PGS1: variants seen among roughly 807,000 people sequenced by gnomAD.
PGS1 encodes CDP-diacylglycerol--glycerol-3-phosphate 3-phosphatidyltransferase, mitochondrial.
PGS1 carries 44 observed loss-of-function variants against 58.3 expected under a neutral mutation model. The observed-to-expected ratio is 0.75, with a 90% CI of 0.59 to 0.97. The LOEUF is 0.97. Among genes scored for constraint, PGS1 ranks in the 50% least tolerant of loss-of-function variants. PGS1 has a pLI of 0.00. For missense variants in PGS1, 684 were observed against 731.1 expected, an observed-to-expected ratio of 0.94 and a Z score of 0.74; for synonymous variants, 330 against 311.0, an observed-to-expected ratio of 1.06 and a Z score of -0.64.
rs1160963067 is a variant in PGS1, at chr17:78,424,320, T to G, written c.*270T>G. ...TGGAAGCAGAGGCCTTCGTAGGTGA[T>G]GGCCTGCATGTTGTAACTACCCCGT... On this transcript the variant is annotated 3_prime_UTR_variant, in exon 10 of 10. Transcript: ENST00000262764. 3.9e-6 allele frequency: 3 copies of G among 778,212 alleles called. No homozygotes were observed. Among genetic ancestry groups the G allele is most frequent in the Middle Eastern group, 3.8e-4 (1 of 2,612 alleles). The allele number at this position is 778,212 out of a possible 1,614,324, so 48.2% of individuals were successfully genotyped here. A position where few individuals can be genotyped will look rare whatever the true frequency, so the allele number is the denominator to read the frequency against.
chr17:78,397,652 C>G (rs551247482), intron 3 of PGS1, among the ~76,000 whole-genome samples: 67 of 150,936 alleles, frequency 4.4e-4, no homozygotes, highest in Admixed American at 9.3e-4. Flanking sequence ...TCAGGCTGGT[C>G]TTAAACTCCT....
intron 1 of PGS1, among the ~76,000 whole-genome samples, chr17:78,389,318 T>C (rs1466003164): frequency 6.6e-6 from 1 of 151,738 alleles, no homozygotes; most frequent in African/African-American, 2.4e-5. Context: ...CCTGAGTAGC[T>C]GGGACTACAG....
chr17:78,415,683 G>C (rs1243029272), intron 8 of PGS1, among the ~76,000 whole-genome samples: 1 of 152,178 alleles, frequency 6.6e-6, no homozygotes, highest in Non-Finnish European at 1.5e-5. Flanking sequence ...GATAATAGTA[G>C]CCCATTTTCT....
intron 8 of PGS1, among the ~76,000 whole-genome samples, chr17:78,417,026 T>A (rs763315171): frequency 1.3e-5 from 2 of 152,126 alleles, no homozygotes; most frequent in Non-Finnish European, 2.9e-5. Context: ...TGGGGAGATA[T>A]TTTTATCAGA....
chr17:78,414,866 C>T lies in PGS1; in HGVS notation c.1403-13C>T, dbSNP rs1344509962. On this transcript the variant is annotated splice_polypyrimidine_tract_variant and intron_variant, in intron 7 of 9. Transcript: ENST00000262764. Reference sequence around the variant, plus strand: ...TGCTCATTTCCTGTCTGCACGTTTCCTTTTCCCCGCAGGCCTCTGGCTGTA... The same window carrying T: ...TGCTCATTTCCTGTCTGCACGTTTCTTTTTCCCCGCAGGCCTCTGGCTGTA... 2 of 1,613,492 alleles carry T rather than the reference C, an allele frequency of 1.2e-6. No individual in the cohort carries two copies. Among genetic ancestry groups the T allele is most frequent in the Middle Eastern group, 1.6e-4 (1 of 6,082 alleles).
intron 9 of PGS1, chr17:78,423,824 A>G: frequency 6.6e-7 from 1 of 1,520,320 alleles, no homozygotes; most frequent in Non-Finnish European, 9.0e-7. Flanking sequence ...CAGTTCCTGT[A>G]AAGAATAAGT....
chr17:78,386,482 T>TG (rs1374498045), intron 1 of PGS1, among the ~76,000 whole-genome samples: 2 of 152,200 alleles, frequency 1.3e-5, no homozygotes, highest in Non-Finnish European at 2.9e-5. Flanking sequence ...TAACTAGAAC[T>TG]GGGCGCTAGA....
chr17:78,400,238 A>C lies in PGS1; in HGVS notation c.702-439A>C, dbSNP rs1195815175. 6.6e-6 allele frequency among the ~76,000 whole-genome samples: 1 copy of C among 152,126 alleles called. No individual in the cohort carries two copies. The highest frequency in any genetic ancestry group is 1.5e-5 in the Non-Finnish European group (1 of 68,034). On this transcript the variant is annotated intron_variant, in intron 5 of 9. Coordinates refer to ENST00000262764, the MANE Select transcript of PGS1 (RefSeq NM_024419.5). The surrounding 1 kb of genome is among the most constrained non-coding windows in gnomAD (Gnocchi z 4.4). ...CGTCTCTACTAAAAATACAAAAATT[A>C]GCTGGGTGTGGTGGCACACACCTGT... is the stretch of plus-strand genomic sequence containing the variant.
In PGS1 at chr17:78,403,992, C is replaced by T. The variant is rs144934446; in HGVS notation, c.1305C>T (p.Ile435=). Residue 435 remains isoleucine, a synonymous_variant, in exon 7 of 10, where the codon ATC becomes ATT. Transcript: ENST00000262764. ...CCATCCCAGCGGCCTATGTGCACAT[C>T]GAGCGACAGTTCTTCAGTGAGGTGT... is the stretch of plus-strand genomic sequence containing the variant. ...AGAIPAAYVH[I]ERQFFSEVCS... 6.6e-5 allele frequency: 107 copies of T among 1,613,900 alleles called. No homozygotes were observed. The African/African-American group carries it at 1.0e-3, about 16-fold the overall frequency.
chr17:78,382,444 C>G (rs149338429), intron 1 of PGS1, among the ~76,000 whole-genome samples: 187 of 152,034 alleles, frequency 1.2e-3, no homozygotes, highest in African/African-American at 4.1e-3. Context: ...GTACATTTCA[C>G]GAAAACGGAG....
chr17:78,403,169 G>A (rs1487660101), intron 6 of PGS1, among the ~76,000 whole-genome samples: 1 of 152,174 alleles, frequency 6.6e-6, no homozygotes, highest in Non-Finnish European at 1.5e-5. Context: ...AGTCGCAGGT[G>A]TACAGCCATG....
chr17:78,402,279 A>G (rs959228939), intron 6 of PGS1, among the ~76,000 whole-genome samples: 5 of 152,054 alleles, frequency 3.3e-5, no homozygotes, highest in African/African-American at 9.7e-5. Context: ...TCCCTGTTTC[A>G]CTTCCCTGAT....
rs188255014 is a variant in PGS1 at position 78,388,258 on chromosome 17, C to T, written c.144-4218C>T. 1.5e-3 allele frequency among the ~76,000 whole-genome samples: 223 copies of T among 152,326 alleles called. 2 individuals are homozygous for T. Among genetic ancestry groups the T allele is most frequent in the African/African-American group, 5.1e-3 (214 of 41,576 alleles). On this transcript the variant is annotated intron_variant, in intron 1 of 9. Transcript: ENST00000262764. ...CTCCAGGGGCTCTGGGCTCATCAGC[C>T]CTGTACCTGCCAAAGTGGGTCTCCG...
chr17:78,412,956 G>C (rs556952616), intron 7 of PGS1, among the ~76,000 whole-genome samples: 26 of 152,112 alleles, frequency 1.7e-4, no homozygotes, highest in Admixed American at 9.8e-4. Context: ...GAGGGGGTGG[G>C]AGGGGGGCTC....
In PGS1 at chr17:78,398,197, A is replaced by G. The variant is rs2083389970; in HGVS notation, c.412-55A>G. Reference sequence around the variant, plus strand: ...CCGATGGGGCGATTTGTTTTTCTTTAAATACACACACCTCTTTGGGTCTTA... The same window carrying G: ...CCGATGGGGCGATTTGTTTTTCTTTGAATACACACACCTCTTTGGGTCTTA... On this transcript the variant is annotated intron_variant, in intron 3 of 9. Transcript: ENST00000262764. 41 of 1,299,354 alleles carry G rather than the reference A, an allele frequency of 3.2e-5. No homozygotes were observed. In the South Asian group the frequency reaches 4.7e-4, roughly 15 times the overall value. The allele number at this position is 1,299,354 out of a possible 1,614,324, so 80.5% of individuals were successfully genotyped here.
intron 7 of PGS1, among the ~76,000 whole-genome samples, chr17:78,414,073 C>T (rs1411376030): frequency 6.6e-6 from 1 of 152,218 alleles, no homozygotes; most frequent in African/African-American, 2.4e-5. Context: ...GCCAGGAAGT[C>T]CCTGGGCCCT....
intron 1 of PGS1, among the ~76,000 whole-genome samples, chr17:78,385,335 T>C (rs8071552): frequency 0.16 from 23,082 of 148,878 alleles, 2,120 homozygotes; most frequent in African/African-American, 0.26. Context: ...TTCGCCCAGG[T>C]CAGAGTGCAG....
chr17:78,424,223 G>T lies in PGS1; in HGVS notation c.*173G>T. 2 of 1,536,232 alleles carry T rather than the reference G, an allele frequency of 1.3e-6. No homozygotes were observed. The highest frequency in any genetic ancestry group is 1.2e-5 in the South Asian group (1 of 80,992). On this transcript the variant is annotated 3_prime_UTR_variant, in exon 10 of 10. Transcript: ENST00000262764. ...TGAGGGAGGGGCTGGCAGGAAGGGT[G>T]GGGTCCTCACACTCCCCGCCCTCTG...
intron 7 of PGS1, 46 bp from the exon 8 acceptor site, chr17:78,414,833 A>G (rs1437813049): frequency 6.9e-6 from 11 of 1,603,446 alleles, no homozygotes; most frequent in Admixed American, 5.0e-5. Flanking sequence ...GGACTTTGGT[A>G]GATGCTGTGC....
Sources: gnomAD v4.1 joint callset for allele counts (sites outside exome capture counted in the v4.1 genomes callset) on GRCh38, gnomAD v4.1.1 for gene constraint, Gnocchi (gnomAD v3.1) non-coding constraint, MANE v1.5 for transcripts, NCBI Gene and HGNC (gene_info 2026-07-23, HGNC 2026-07-21) for gene names.